Variants in CA5A observed in about 807,000 individuals in gnomAD.
The protein encoded by CA5A is carbonic anhydrase 5A, also known as carbonic anhydrase 5A, mitochondrial.
A neutral mutation model predicts 37.1 loss-of-function variants in CA5A; 28 were observed. The observed-to-expected ratio is 0.75, with a 90% CI of 0.56 to 1.03. The LOEUF is 1.03. CA5A is among the 50% of genes least tolerant of loss of function. The probability of loss-of-function intolerance (pLI) is 0.00; values close to 1 mark genes in which losing one functional copy is unlikely to be tolerated. For missense variants in CA5A, 444 were observed against 399.9 expected (o/e 1.11, Z -0.94); for synonymous variants, 171 against 158.4 (o/e 1.08, Z -0.60).
intron 5 of CA5A, among the ~76,000 whole-genome samples, chr16:87,900,917 A>G (rs2055868659): frequency 6.6e-6 from 1 of 152,244 alleles, no homozygotes; most frequent in East Asian, 1.9e-4. Context: ...TTTTCGAGCT[A>G]ATCAATTTAA....
chr16:87,910,205 G>A lies in CA5A; in HGVS notation c.341-5301C>T, dbSNP rs149483849. ...GGTTCTGCCGTGTCCCGGGCACCACGCATCCTGTCCATGAGCTCACGTCGT... is the reference window on the plus strand; with the variant it reads ...GGTTCTGCCGTGTCCCGGGCACCACACATCCTGTCCATGAGCTCACGTCGT... On this transcript the variant is annotated intron_variant, in intron 2 of 6. Coordinates refer to ENST00000649794, the MANE Select transcript of CA5A (RefSeq NM_001739.2). Among the ~76,000 whole-genome samples the A allele has an allele frequency of 1.8e-3, 271 of 152,318 alleles. 1 individual carries two copies. Among genetic ancestry groups the A allele is most frequent in the African/African-American group, 4.4e-3 (182 of 41,566 alleles).
At chr16:87,910,758 TTTTGTTTC>T (rs1051717009) in intron 2 of CA5A, among the ~76,000 whole-genome samples, 1 of 151,966 alleles carries the variant, frequency 6.6e-6, no homozygotes, top group African/African-American at 2.4e-5. Flanking sequence ...TTGTTTTTGT[TTTTGTTTC>T]TTTGAGATGG....
intron 2 of CA5A, among the ~76,000 whole-genome samples, chr16:87,906,441 A>C (rs538760643): frequency 3.3e-5 from 5 of 152,194 alleles, no homozygotes; most frequent in African/African-American, 1.2e-4. Context: ...CAGCCTGGCC[A>C]ACGTGGTGTA....
At chr16:87,928,915 G>A (rs115991703) in intron 1 of CA5A, among the ~76,000 whole-genome samples, 4,783 of 150,656 alleles carry the variant, frequency 0.032, 246 homozygotes, top group African/African-American at 0.11. Context: ...TTACAGGCAC[G>A]CGCCGCCACA....
chr16:87,932,674 AG>A (rs904616351), intron 1 of CA5A, among the ~76,000 whole-genome samples: 1 of 151,984 alleles, frequency 6.6e-6, no homozygotes, highest in African/African-American at 2.4e-5. Context: ...GCCCAGGTGC[AG>A]GGGACATGGA....
intron 2 of CA5A, among the ~76,000 whole-genome samples, chr16:87,925,042 T>C (rs1446006203): frequency 1.3e-5 from 2 of 152,162 alleles, no homozygotes; most frequent in Non-Finnish European, 2.9e-5. Context: ...GCATAAAATA[T>C]CAAATAAGAC....
intron 2 of CA5A, among the ~76,000 whole-genome samples, chr16:87,920,222 G>A (rs561375607): frequency 5.1e-4 from 78 of 152,358 alleles, no homozygotes; most frequent in African/African-American, 1.8e-3. Context: ...ATTTGAGCAC[G>A]CAGTAAAAGG....
chr16:87,934,533 C>T (rs188523881), intron 1 of CA5A, among the ~76,000 whole-genome samples: 101 of 152,140 alleles, frequency 6.6e-4, no homozygotes, highest in African/African-American at 2.2e-3. Flanking sequence ...CGCACCACTG[C>T]GCTCCAGCCT....
chr16:87,903,366 G>C (rs1244291887), intron 3 of CA5A, among the ~76,000 whole-genome samples: 2 of 152,162 alleles, frequency 1.3e-5, no homozygotes, highest in Non-Finnish European at 2.9e-5. Context: ...GGGCAGCAGA[G>C]GTTGCAGTGA....
intron 2 of CA5A, among the ~76,000 whole-genome samples, chr16:87,922,695 C>G (rs973020327): frequency 1.3e-5 from 2 of 152,266 alleles, no homozygotes; most frequent in African/African-American, 4.8e-5. Context: ...TGCCGGCTCT[C>G]CTGGGGACCG....
rs1319117167 is a variant in CA5A, at chr16:87,926,741, C to T, written c.340+7G>A. On this transcript the variant is annotated splice_region_variant and intron_variant, in intron 2 of 6. Transcript: ENST00000649794. The stretch of plus-strand genomic sequence containing the variant: ...GACAAAGCCCTCGAGCCCCAGCTGG[C>T]ACTCACCTGATGCCTCGGTGGCATC... 6.8e-6 allele frequency: 11 copies of T among 1,609,334 alleles called. No homozygotes were observed. Among genetic ancestry groups the T allele is most frequent in the African/African-American group, 6.7e-5 (5 of 74,888 alleles).
intron 5 of CA5A, among the ~76,000 whole-genome samples, chr16:87,897,415 G>A (rs1003222936): frequency 3.3e-5 from 5 of 152,150 alleles, no homozygotes; most frequent in East Asian, 1.9e-4. Context: ...TTGTCTGCCC[G>A]GGGTCACCAG....
At chr16:87,930,361 C>A (rs975793253) in intron 1 of CA5A, among the ~76,000 whole-genome samples, 2 of 152,184 alleles carry the variant, frequency 1.3e-5, no homozygotes, top group Non-Finnish European at 2.9e-5. Flanking sequence ...AGATCCTGGC[C>A]TCTGGGAGTC....
chr16:87,914,408 C>T (rs2056099228), intron 2 of CA5A, among the ~76,000 whole-genome samples: 1 of 152,218 alleles, frequency 6.6e-6, no homozygotes, highest in African/African-American at 2.4e-5. Flanking sequence ...CCAAAACACT[C>T]AGGGGGTGCT....
Position 87,915,526 on chromosome 16 carries a change from A to ATTTTTT in CA5A, c.341-10628_341-10623dup, listed in dbSNP as rs59358304. Among the ~76,000 whole-genome samples the ATTTTTT allele has an allele frequency of 1.9e-4, 14 of 73,012 alleles. 1 individual carries two copies. Among genetic ancestry groups the ATTTTTT allele is most frequent in the Admixed American group, 2.3e-4 (1 of 4,422 alleles). 47.9% of individuals were successfully genotyped at this position (73,012 alleles called of 152,430 possible). On this transcript the variant is annotated intron_variant, in intron 2 of 6. Transcript: ENST00000649794. ...CAACAGTACCAGATCCTGTGTCAAAATTTTTTTTTTTTTTTTTTTTTTTTT... is the reference window on the plus strand; with the variant it reads ...CAACAGTACCAGATCCTGTGTCAAAATTTTTTTTTTTTTTTTTTTTTTTTTTTTTTT...
intron 2 of CA5A, among the ~76,000 whole-genome samples, chr16:87,912,571 C>T (rs1446596510): frequency 6.6e-6 from 1 of 152,232 alleles, no homozygotes; most frequent in Non-Finnish European, 1.5e-5. Context: ...GCACCACGCT[C>T]AGTACAAGGG....
At chr16:87,923,562 C>T in intron 2 of CA5A, 1 of 985,400 alleles carries the variant, frequency 1.0e-6, no homozygotes, top group Non-Finnish European at 1.2e-6. Context: ...CCCCTGGGGC[C>T]CCCTGTTCCC....
At chr16:87,901,876 C>T (rs1458862842) in intron 5 of CA5A, 36 bp downstream of exon 5, 32 of 1,590,030 alleles carry the variant, frequency 2.0e-5, no homozygotes, top group African/African-American at 8.1e-5. Flanking sequence ...CGTGAGCCTC[C>T]GCGCCCGGCC....
At chr16:87,923,132 G>A (rs927052561) in intron 2 of CA5A, among the ~76,000 whole-genome samples, 3 of 152,186 alleles carry the variant, frequency 2.0e-5, no homozygotes, top group African/African-American at 7.2e-5. Flanking sequence ...TAAAATGAGG[G>A]TCCCGCAATA....
Sources: gnomAD v4.1 joint callset for allele counts (sites outside exome capture counted in the v4.1 genomes callset) on GRCh38, gnomAD v4.1.1 for gene constraint, MANE v1.5 for transcripts, NCBI Gene and HGNC (gene_info 2026-07-23, HGNC 2026-07-21) for gene names.